ATP2B2: variants seen among roughly 807,000 people sequenced by gnomAD.
ATP2B2 encodes plasma membrane calcium-transporting ATPase 2.
ATP2B2 carries 15 observed loss-of-function variants against 120.0 expected under a neutral mutation model. The ratio of observed to expected loss-of-function variants is 0.12; its 90% confidence interval spans 0.08 to 0.19. The LOEUF (loss-of-function observed/expected upper bound fraction) is 0.19, where lower values mean the gene tolerates loss of function less well. Ranked by LOEUF, ATP2B2 falls within the 10% of genes least tolerant of loss-of-function variation. The probability of loss-of-function intolerance (pLI) is 1.00; values close to 1 mark genes in which losing one functional copy is unlikely to be tolerated. For synonymous variants in ATP2B2, 694 were observed against 700.3 expected (o/e 0.99, Z 0.14); for missense variants, 1,045 against 1,719.8 (o/e 0.61, Z 6.94).
chr3:10,562,322 G>A (rs1188971916), intron 2 of ATP2B2, among the ~76,000 whole-genome samples: 1 of 152,238 alleles, frequency 6.6e-6, no homozygotes, highest in East Asian at 1.9e-4. Flanking sequence ...GGAACAGTGA[G>A]TAGCTTGGTG....
chr3:10,389,996 G>A (rs905803657), intron 5 of ATP2B2, among the ~76,000 whole-genome samples: 1 of 152,118 alleles, frequency 6.6e-6, no homozygotes, highest in African/African-American at 2.4e-5. Flanking sequence ...GGCTCTCCAG[G>A]CACACATTTT....
At chr3:10,499,222 C>T (rs1372048753) in intron 1 of ATP2B2, among the ~76,000 whole-genome samples, 1 of 152,208 alleles carries the variant, frequency 6.6e-6, no homozygotes, top group Non-Finnish European at 1.5e-5. Flanking sequence ...ATAATAGCAT[C>T]ATCATAATAC....
upstream of ATP2B2, chr3:10,708,059 G>GCCGCCCGCCCGCCT (rs2071928808): frequency 1.9e-5 from 1 of 52,006 alleles, no homozygotes; most frequent in Non-Finnish European, 3.8e-5. Context: ...CGGCCCCGCC[G>GCCGCCCGCCCGCCT]CCGCCCGCCC....
intron 2 of ATP2B2, among the ~76,000 whole-genome samples, chr3:10,444,559 C>T (rs1393057846): frequency 1.3e-5 from 2 of 152,374 alleles, no homozygotes; most frequent in South Asian, 4.1e-4. Context: ...CGTTTCACAG[C>T]ACTCTGCAGT....
At chr3:10,581,962 T>C (rs1355336226) in intron 2 of ATP2B2, among the ~76,000 whole-genome samples, 3 of 152,230 alleles carry the variant, frequency 2.0e-5, no homozygotes, top group African/African-American at 7.2e-5. Context: ...CTCCCAACTT[T>C]TTCGCCCCAA....
chr3:10,384,146 G>A, intron 8 of ATP2B2, among the ~76,000 whole-genome samples: 1 of 152,228 alleles, frequency 6.6e-6, no homozygotes, highest in East Asian at 1.9e-4. Flanking sequence ...CACCTACTAG[G>A]TGCTTCCATC....
chr3:10,377,297 G>A (rs923181059), intron 10 of ATP2B2, among the ~76,000 whole-genome samples: 6 of 152,168 alleles, frequency 3.9e-5, no homozygotes, highest in Admixed American at 6.5e-5. Context: ...CCTCAGAGCC[G>A]GCTCCATCCC....
intron 1 of ATP2B2, among the ~76,000 whole-genome samples, chr3:10,665,043 G>A (rs943274924): frequency 1.3e-5 from 2 of 152,120 alleles, no homozygotes; most frequent in Non-Finnish European, 2.9e-5. Context: ...AGGCAACCAT[G>A]GTGGCTCCCT....
At chr3:10,652,159 C>G (rs1248110466) in intron 1 of ATP2B2, among the ~76,000 whole-genome samples, 1 of 152,130 alleles carries the variant, frequency 6.6e-6, no homozygotes, top group South Asian at 2.1e-4. Flanking sequence ...CACCTCAGCC[C>G]CAGATGTGGC....
chr3:10,590,930 T>C (rs539396457), intron 2 of ATP2B2, among the ~76,000 whole-genome samples: 1 of 152,032 alleles, frequency 6.6e-6, no homozygotes, highest in Non-Finnish European at 1.5e-5. Flanking sequence ...TGGGGAGTGG[T>C]GACACCAGGT....
At chr3:10,464,381 C>A (rs2064643583) in intron 1 of ATP2B2, among the ~76,000 whole-genome samples, 1 of 152,104 alleles carries the variant, frequency 6.6e-6, no homozygotes, top group African/African-American at 2.4e-5. Flanking sequence ...CTGCACAGAG[C>A]CAAGGGTTTG....
At chr3:10,476,728 T>C (rs879471686) in intron 1 of ATP2B2, among the ~76,000 whole-genome samples, 5 of 152,236 alleles carry the variant, frequency 3.3e-5, no homozygotes, top group African/African-American at 1.2e-4. Context: ...TTAACCATAA[T>C]TGATCAGCCT....
At chr3:10,529,140 G>A (rs896767958) in intron 3 of ATP2B2, among the ~76,000 whole-genome samples, 1 of 152,242 alleles carries the variant, frequency 6.6e-6, no homozygotes, top group East Asian at 1.9e-4. Flanking sequence ...AAAGTCAAGT[G>A]ACTGATGAGA....
intron 2 of ATP2B2, among the ~76,000 whole-genome samples, chr3:10,571,671 T>C (rs1181894929): frequency 6.6e-6 from 1 of 152,204 alleles, no homozygotes; most frequent in African/African-American, 2.4e-5. Context: ...TGGAAGGGGT[T>C]GAAGAAAGTC....
At chr3:10,416,150 G>C (rs1287618445) in intron 2 of ATP2B2, among the ~76,000 whole-genome samples, 1 of 152,250 alleles carries the variant, frequency 6.6e-6, no homozygotes. Flanking sequence ...ACTGTGGGCA[G>C]AATCTGTGTG....
intron 1 of ATP2B2, among the ~76,000 whole-genome samples, chr3:10,451,283 G>A (rs1181173653): frequency 6.6e-6 from 1 of 152,180 alleles, no homozygotes; most frequent in Non-Finnish European, 1.5e-5. Flanking sequence ...GTGGGTGGGT[G>A]GACTGTGCCA....
intron 6 of ATP2B2, 98 bp from the exon 7 acceptor site, chr3:10,386,610 C>T (rs1290042038): frequency 2.2e-6 from 3 of 1,334,520 alleles, no homozygotes; most frequent in African/African-American, 2.9e-5. Context: ...TGTGCATACA[C>T]ACATGGCCAT....
chr3:10,506,839 G>A (rs1021909534), upstream of ATP2B2, among the ~76,000 whole-genome samples: 12 of 152,332 alleles, frequency 7.9e-5, no homozygotes, highest in East Asian at 1.2e-3. Flanking sequence ...TGAGCTGCCC[G>A]CCCGAGCGTC....
At chr3:10,655,010 C>G (rs1221212298) in intron 1 of ATP2B2, among the ~76,000 whole-genome samples, 1 of 152,156 alleles carries the variant, frequency 6.6e-6, no homozygotes, top group Non-Finnish European at 1.5e-5. Context: ...AAGACCTGCA[C>G]AGTTTAAAAA....
Sources: gnomAD v4.1 joint callset for allele counts (sites outside exome capture counted in the v4.1 genomes callset) on GRCh38, gnomAD v4.1.1 for gene constraint, MANE v1.5 for transcripts, NCBI Gene and HGNC (gene_info 2026-07-23, HGNC 2026-07-21) for gene names.